Variants in GRIK1 observed in about 807,000 individuals in gnomAD.
GRIK1 encodes glutamate receptor ionotropic, kainate 1.
GRIK1 carries 69 observed loss-of-function variants against 105.7 expected under a neutral mutation model. That is an observed-to-expected ratio of 0.65 (90% CI 0.54 to 0.80). The LOEUF (loss-of-function observed/expected upper bound fraction) is 0.80, where lower values mean the gene tolerates loss of function less well. Ranked by LOEUF, GRIK1 falls within the 30% of genes least tolerant of loss-of-function variation. GRIK1 has a pLI of 0.00. For synonymous variants in GRIK1, 438 were observed against 431.3 expected (o/e 1.02, Z -0.19); for missense variants, 1,109 against 1,167.3 (o/e 0.95, Z 0.73).
chr21:29,722,481 G>C (rs1457422821), intron 1 of GRIK1, among the ~76,000 whole-genome samples: 1 of 151,558 alleles, frequency 6.6e-6, no homozygotes, highest in African/African-American at 2.4e-5. Context: ...GTGTGAACCC[G>C]GGAGGCAGAG....
At chr21:29,917,596 TC>T (rs1159946080) in intron 1 of GRIK1, among the ~76,000 whole-genome samples, 1 of 152,038 alleles carries the variant, frequency 6.6e-6, no homozygotes, top group East Asian at 1.9e-4. Context: ...TCAAATGCTT[TC>T]CATTGAACTG....
intron 1 of GRIK1, among the ~76,000 whole-genome samples, chr21:29,796,155 C>T (rs2066550058): frequency 6.6e-6 from 1 of 152,054 alleles, no homozygotes; most frequent in African/African-American, 2.4e-5. Flanking sequence ...AAAATGTGTC[C>T]ACACATCTAC....
rs140734379 is a variant in GRIK1 at position 29,613,546 on chromosome 21, G to A, written c.1099-14609C>T. On this transcript the variant is annotated intron_variant, in intron 7 of 17. Transcript: ENST00000327783. ...CAACTTCAAGCCAGTTATTAAGCTT[G>A]GGGTCTGATTACAGTTCTGAAGAAG... Among the ~76,000 whole-genome samples the A allele has an allele frequency of 2.8e-3, 427 of 152,252 alleles. 3 individuals carry two copies. Among genetic ancestry groups the A allele is most frequent in the African/African-American group, 9.6e-3 (399 of 41,548 alleles).
chr21:29,861,936 A>G (rs1247313602), intron 1 of GRIK1, among the ~76,000 whole-genome samples: 3 of 152,064 alleles, frequency 2.0e-5, no homozygotes, highest in African/African-American at 7.2e-5. Flanking sequence ...TATGTTTTCA[A>G]TTTTTAATTT....
chr21:29,689,730 G>C lies in GRIK1; in HGVS notation c.542C>G (p.Thr181Arg). 1.9e-6 allele frequency: 3 copies of C among 1,613,810 alleles called. No homozygotes were observed. The highest frequency in any genetic ancestry group is 2.5e-6 in the Non-Finnish European group (3 of 1,179,732). Reference protein sequence around the residue: ...KTVTVVYEDSTGLIRLQELIK... With the variant: ...KTVTVVYEDSRGLIRLQELIK... The stretch of plus-strand genomic sequence containing the variant: ...GAGGTCTTGTGTGAGTCCCATACCT[G>C]TGCTGTCTTCATACACCACTGTCAC... The change falls in exon 3 of 18, where the codon ACA becomes AGA. Residue 181 changes from threonine to arginine, a missense_variant and splice_region_variant. By Grantham distance (71) the Thr-to-Arg change is moderately conservative (BLOSUM62 -1). Coordinates refer to ENST00000327783, the MANE Select transcript of GRIK1 (RefSeq NM_001330994.2).
intron 1 of GRIK1, among the ~76,000 whole-genome samples, chr21:29,897,408 T>C (rs1249932570): frequency 1.3e-5 from 2 of 152,200 alleles, no homozygotes; most frequent in Non-Finnish European, 2.9e-5. Flanking sequence ...ATTATATAAC[T>C]AAGGGGAATT....
At chr21:29,872,294 C>A (rs370785857) in intron 1 of GRIK1, among the ~76,000 whole-genome samples, 2 of 150,908 alleles carry the variant, frequency 1.3e-5, no homozygotes, top group East Asian at 3.9e-4. Flanking sequence ...CCTGGGTTCA[C>A]GCCATTCTCC....
intron 1 of GRIK1, among the ~76,000 whole-genome samples, chr21:29,814,807 T>A (rs140507957): frequency 6.7e-6 from 1 of 149,948 alleles, no homozygotes; most frequent in Non-Finnish European, 1.5e-5. Flanking sequence ...GTGGGCATTT[T>A]GAGGTTAAGT....
At chr21:29,729,854 G>A (rs1339703664) in intron 1 of GRIK1, among the ~76,000 whole-genome samples, 3 of 152,146 alleles carry the variant, frequency 2.0e-5, no homozygotes, top group African/African-American at 7.2e-5. Flanking sequence ...TTGAGTCTGA[G>A]GATTCTGAAG....
intron 1 of GRIK1, among the ~76,000 whole-genome samples, chr21:29,791,957 G>C (rs1013970473): frequency 7.9e-5 from 12 of 152,076 alleles, no homozygotes; most frequent in Non-Finnish European, 1.6e-4. Context: ...AAATAAGAAT[G>C]TTTGCTTTAT....
At chr21:29,847,368 G>T (rs192964739) in intron 1 of GRIK1, among the ~76,000 whole-genome samples, 1 of 152,320 alleles carries the variant, frequency 6.6e-6, no homozygotes, top group Non-Finnish European at 1.5e-5. Flanking sequence ...GGCCCAGGCG[G>T]GTGGATCACT....
rs1463163221 is a variant in GRIK1, at chr21:29,560,396, CCTTCCTTT to C, written c.2356+1220_2356+1227del. ...TCCTTCCTTCCTTCCTTCCTTCCTTCCTTCCTTTCTTTCTTTCTTTCTTTCTTTCTTTC... is the reference window on the plus strand; with the variant it reads ...TCCTTCCTTCCTTCCTTCCTTCCTTCCTTTCTTTCTTTCTTTCTTTCTTTC... On this transcript the variant is annotated intron_variant, in intron 15 of 17. Transcript: ENST00000327783. Among the ~76,000 whole-genome samples the C allele has an allele frequency of 2.4e-3, 145 of 60,250 alleles. 12 individuals carry two copies. Among genetic ancestry groups the C allele is most frequent in the African/African-American group, 8.2e-3 (81 of 9,872 alleles). The allele number at this position is 60,250 out of a possible 152,430, so 39.5% of individuals were successfully genotyped here.
chr21:29,558,812 T>C (rs2090321090), intron 15 of GRIK1, among the ~76,000 whole-genome samples: 1 of 152,064 alleles, frequency 6.6e-6, no homozygotes, highest in South Asian at 2.1e-4. Flanking sequence ...TTCAAAGTGC[T>C]GCATTCATTT....
intron 3 of GRIK1, among the ~76,000 whole-genome samples, chr21:29,675,915 G>A (rs557995063): frequency 1.3e-5 from 2 of 152,178 alleles, no homozygotes; most frequent in East Asian, 3.9e-4. Flanking sequence ...CTTGTCAACT[G>A]GCTGAATGAA....
chr21:29,643,064 T>C, intron 6 of GRIK1, 95 bp from the exon 7 acceptor site: 2 of 1,236,010 alleles, frequency 1.6e-6, no homozygotes, highest in South Asian at 1.4e-5. Context: ...AGCTCTTATC[T>C]GTCTGATCTC....
intron 14 of GRIK1, among the ~76,000 whole-genome samples, chr21:29,562,137 T>C (rs1377906440): frequency 6.6e-6 from 1 of 152,198 alleles, no homozygotes; most frequent in Non-Finnish European, 1.5e-5. Context: ...AGGACTCTGT[T>C]CATTTCATGC....
intron 1 of GRIK1, among the ~76,000 whole-genome samples, chr21:29,769,339 A>T (rs2065754569): frequency 6.6e-6 from 1 of 152,164 alleles, no homozygotes; most frequent in South Asian, 2.1e-4. Flanking sequence ...AGAGAAGATG[A>T]TGTGAAGACA....
At chr21:29,676,101 A>G (rs1465335551) in intron 3 of GRIK1, among the ~76,000 whole-genome samples, 1 of 152,234 alleles carries the variant, frequency 6.6e-6, no homozygotes, top group Non-Finnish European at 1.5e-5. Context: ...AAAAGAAGGT[A>G]TATTTTAATA....
At chr21:29,736,748 G>T (rs1217378415) in intron 1 of GRIK1, among the ~76,000 whole-genome samples, 3 of 150,490 alleles carry the variant, frequency 2.0e-5, no homozygotes, top group African/African-American at 7.3e-5. Flanking sequence ...TGTGATTTTG[G>T]ATCACTGCAA....
Sources: allele counts gnomAD v4.1 joint callset (sites outside exome capture counted in the v4.1 genomes callset), GRCh38; gene constraint gnomAD v4.1.1; transcripts MANE v1.5; gene names NCBI Gene and HGNC (gene_info 2026-07-23, HGNC 2026-07-21).